SPOP: variants seen among roughly 807,000 people sequenced by gnomAD.
The protein encoded by SPOP is speckle-type POZ protein.
In SPOP, 11 loss-of-function variants were observed where a neutral mutation model predicts 45.6. That is an observed-to-expected ratio of 0.24 (90% confidence interval 0.15 to 0.40). SPOP has a LOEUF of 0.40. Among genes scored for constraint, SPOP ranks in the 10% least tolerant of loss-of-function variants. The probability of loss-of-function intolerance (pLI) is 1.00; values close to 1 mark genes in which losing one functional copy is unlikely to be tolerated. For missense variants in SPOP, 152 were observed against 465.6 expected (o/e 0.33, Z 6.20); for synonymous variants, 166 against 166.3 (o/e 1.00, Z 0.01).
Position 49,626,934 on chromosome 17 carries a change from C to T in SPOP, c.-66-4058G>A, listed in dbSNP as rs561382423. Among the ~76,000 whole-genome samples, 6 of 152,204 alleles carry T rather than the reference C, an allele frequency of 3.9e-5. No individual in the cohort carries two copies. In the East Asian group the frequency reaches 9.7e-4, roughly 25 times the overall value. On this transcript the variant is annotated intron_variant, in intron 1 of 9. Transcript: ENST00000504102. ...TGGCGATCTTGGCTCACTGCAAGCT[C>T]CGCCTCCCGGGTTCATGCCATTCTC...
intron 1 of SPOP, among the ~76,000 whole-genome samples, chr17:49,639,063 T>C (rs1472217497): frequency 1.3e-5 from 2 of 152,190 alleles, no homozygotes; most frequent in Non-Finnish European, 2.9e-5. Context: ...AGGGCATTCT[T>C]TGAGACACAG....
chr17:49,608,309 G>A (rs1167681221), intron 6 of SPOP, among the ~76,000 whole-genome samples: 1 of 152,134 alleles, frequency 6.6e-6, no homozygotes, highest in Non-Finnish European at 1.5e-5. Flanking sequence ...TGTTGGAACT[G>A]ACACCATACT....
intron 1 of SPOP, among the ~76,000 whole-genome samples, chr17:49,656,977 C>T (rs920773415): frequency 7.9e-5 from 12 of 151,946 alleles, no homozygotes; most frequent in Admixed American, 1.3e-4. Context: ...GTCAGGAGAT[C>T]GAGACCATCC....
intron 8 of SPOP, among the ~76,000 whole-genome samples, chr17:49,606,641 G>A (rs1038287414): frequency 9.9e-5 from 15 of 151,408 alleles, no homozygotes; most frequent in South Asian, 6.3e-4. Context: ...CTACAAGTGT[G>A]CACCATCATG....
chr17:49,619,519 T>C lies in SPOP; in HGVS notation c.201-134A>G, dbSNP rs2072174066. 1 of 1,019,940 alleles carries C rather than the reference T, an allele frequency of 9.8e-7. No homozygotes were observed. Among genetic ancestry groups the C allele is most frequent in the Non-Finnish European group, 1.4e-6 (1 of 719,208 alleles). The allele number at this position is 1,019,940 out of a possible 1,614,324, so 63.2% of individuals were successfully genotyped here. On this transcript the variant is annotated intron_variant, in intron 3 of 9. Coordinates refer to ENST00000504102, the MANE Select transcript of SPOP (RefSeq NM_001007228.2). The surrounding 1 kb of genome is among the most constrained non-coding windows in gnomAD (Gnocchi z 4.9). ...GAAGAATATAATTCAGTAGAATGAC[T>C]AGTTGGGAACAACTTTTTTCTCTTT...
chr17:49,625,935 A>G (rs979173338), intron 1 of SPOP, among the ~76,000 whole-genome samples: 1 of 152,202 alleles, frequency 6.6e-6, no homozygotes, highest in African/African-American at 2.4e-5. Context: ...GATAATACAA[A>G]TATCTGTTAA....
At chr17:49,638,895 C>A (rs976354629) in intron 1 of SPOP, among the ~76,000 whole-genome samples, 16 of 152,168 alleles carry the variant, frequency 1.1e-4, no homozygotes, top group Non-Finnish European at 2.1e-4. Context: ...CGTTTATAAT[C>A]CCAGCTACTT....
At chr17:49,676,690 G>A (rs2073203516) in intron 1 of SPOP, among the ~76,000 whole-genome samples, 1 of 152,064 alleles carries the variant, frequency 6.6e-6, no homozygotes. Context: ...TCATTTCAAT[G>A]TTATCTAGAA....
intron 1 of SPOP, among the ~76,000 whole-genome samples, chr17:49,669,457 C>T (rs1388384363): frequency 2.3e-5 from 3 of 131,830 alleles, no homozygotes; most frequent in African/African-American, 8.4e-5. Flanking sequence ...AGTTGTAGTA[C>T]GGAATATTAA....
chr17:49,674,576 T>G (rs2073176739), intron 1 of SPOP, among the ~76,000 whole-genome samples: 1 of 152,178 alleles, frequency 6.6e-6, no homozygotes. Context: ...TCAGCAGACT[T>G]AAAAAATGCT....
chr17:49,626,936 G>A (rs754072198), intron 1 of SPOP, among the ~76,000 whole-genome samples: 8 of 151,904 alleles, frequency 5.3e-5, no homozygotes, highest in African/African-American at 1.5e-4. Context: ...TGCAAGCTCC[G>A]CCTCCCGGGT....
intron 1 of SPOP, 121 bp from the exon 2 acceptor site, chr17:49,622,997 C>A: frequency 3.6e-6 from 2 of 549,152 alleles, no homozygotes; most frequent in Non-Finnish European, 6.4e-6. Flanking sequence ...CTCCTTACCA[C>A]TGAGGTCCTA....
intron 5 of SPOP, among the ~76,000 whole-genome samples, chr17:49,616,855 TCTC>T (rs2143239560): frequency 6.6e-6 from 1 of 152,308 alleles, no homozygotes; most frequent in Non-Finnish European, 1.5e-5. Context: ...CTGTTCAACA[TCTC>T]CTCGTTTCTA....
At chr17:49,668,508 C>G (rs775803226) in intron 1 of SPOP, among the ~76,000 whole-genome samples, 11 of 151,790 alleles carry the variant, frequency 7.2e-5, no homozygotes, top group African/African-American at 2.2e-4. Flanking sequence ...ATAATAAACA[C>G]CAAATGCAAG....
intron 1 of SPOP, among the ~76,000 whole-genome samples, chr17:49,623,434 C>G (rs550325505): frequency 6.6e-6 from 1 of 152,250 alleles, no homozygotes; most frequent in South Asian, 2.1e-4. Context: ...TGAATTTATT[C>G]AAAGGGTATT....
chr17:49,661,478 C>T (rs1033066635), intron 1 of SPOP, among the ~76,000 whole-genome samples: 2 of 152,156 alleles, frequency 1.3e-5, no homozygotes, highest in Non-Finnish European at 2.9e-5. Context: ...CTTCAAAATA[C>T]CCACCCTTCA....
At position 49,600,203 on chromosome 17, in the gene SPOP, C is replaced by G. The variant is rs1408226647; in HGVS notation, c.*175G>C. 1.2e-6 allele frequency: 1 copy of G among 825,814 alleles called. No individual in the cohort carries two copies. Among genetic ancestry groups the G allele is most frequent in the Non-Finnish European group, 1.9e-6 (1 of 520,482 alleles). The allele number at this position is 825,814 out of a possible 1,614,324, so 51.2% of individuals were successfully genotyped here. On this transcript the variant is annotated 3_prime_UTR_variant, in exon 10 of 10. Transcript: ENST00000504102. The surrounding 1 kb of genome is among the most constrained non-coding windows in gnomAD (Gnocchi z 4.2). ...GGGTTTTCATTTCATTTTCCCTCCC[C>G]CCGTTTCCCCCAAGTTATTTAGTGC...
Position 49,619,466 on chromosome 17 carries a change from T to C in SPOP, c.201-81A>G, listed in dbSNP as rs930054691. The stretch of plus-strand genomic sequence containing the variant: ...GGAAATCAGACTCAAGAGAGGGAGA[T>C]GTTTAAAAAACAAATGCAGGCCCCA... On this transcript the variant is annotated intron_variant, in intron 3 of 9. Coordinates refer to ENST00000504102, the MANE Select transcript of SPOP (RefSeq NM_001007228.2). This position sits in a 1 kb window ranked among gnomAD's most constrained non-coding sequence, Gnocchi z 4.9. 4 of 1,465,292 alleles carry C rather than the reference T, an allele frequency of 2.7e-6. No individual in the cohort carries two copies. Among genetic ancestry groups the C allele is most frequent in the Non-Finnish European group, 3.6e-6 (4 of 1,097,354 alleles). 90.8% of individuals were successfully genotyped at this position (1,465,292 alleles called of 1,614,324 possible).
intron 1 of SPOP, among the ~76,000 whole-genome samples, chr17:49,669,883 T>C (rs1363641107): frequency 2.0e-5 from 3 of 152,184 alleles, no homozygotes; most frequent in Admixed American, 1.3e-4. Context: ...TAAAGGAATA[T>C]ATAAATCTCA....
Sources: allele counts gnomAD v4.1 joint callset (sites outside exome capture counted in the v4.1 genomes callset), GRCh38; gene constraint gnomAD v4.1.1; non-coding constraint Gnocchi (gnomAD v3.1); transcripts MANE v1.5; gene names NCBI Gene and HGNC (gene_info 2026-07-23, HGNC 2026-07-21).